Variants in POU2F1 observed in about 807,000 individuals in gnomAD.
POU2F1 encodes POU domain, class 2, transcription factor 1.
In POU2F1, 16 loss-of-function variants were observed where a neutral mutation model predicts 84.9. That is an observed-to-expected ratio of 0.19 (90% CI 0.13 to 0.29). The LOEUF (loss-of-function observed/expected upper bound fraction) is 0.29. Among genes scored for constraint, POU2F1 ranks in the 10% least tolerant of loss-of-function variants. The pLI is 1.00. For synonymous variants in POU2F1, 368 were observed against 368.3 expected, an observed-to-expected ratio of 1.00 and a Z score of 0.01; for missense variants, 738 against 942.6, an observed-to-expected ratio of 0.78 and a Z score of 2.84.
At chr1:167,266,603 C>T (rs901825530) in intron 1 of POU2F1, among the ~76,000 whole-genome samples, 8 of 149,488 alleles carry the variant, frequency 5.4e-5, no homozygotes, top group Non-Finnish European at 7.4e-5. Flanking sequence ...TACTTTGGCA[C>T]AATTTGGTAA....
intron 1 of POU2F1, among the ~76,000 whole-genome samples, chr1:167,290,343 G>A (rs1246462507): frequency 6.6e-6 from 1 of 152,204 alleles, no homozygotes; most frequent in Admixed American, 6.5e-5. Context: ...CCTGCAGTGG[G>A]CAGTGATCGT....
At position 167,393,613 on chromosome 1, in the gene POU2F1, C is replaced by G. The variant is rs80069226; in HGVS notation, c.988-2673C>G. Among the ~76,000 whole-genome samples, 341 of 152,218 alleles carry G rather than the reference C, an allele frequency of 2.2e-3. 9 individuals are homozygous for G. The East Asian group carries it at 0.06, about 27-fold the overall frequency. On this transcript the variant is annotated intron_variant, in intron 9 of 15. Transcript: ENST00000367866. ...TTCTGGGGTCAAGTGATCCTCCCACCTCAGCCTTCCAAGTATCTGGGACTA... is the reference window on the plus strand; with the variant it reads ...TTCTGGGGTCAAGTGATCCTCCCACGTCAGCCTTCCAAGTATCTGGGACTA...
At chr1:167,347,587 T>TAAAA (rs1223221553) in intron 2 of POU2F1, among the ~76,000 whole-genome samples, 5 of 152,190 alleles carry the variant, frequency 3.3e-5, no homozygotes, top group African/African-American at 7.2e-5. Context: ...TCAGTGGCAT[T>TAAAA]TAGTGTATTC....
At chr1:167,258,813 CTAA>C (rs1485193399) in intron 1 of POU2F1, among the ~76,000 whole-genome samples, 4 of 152,196 alleles carry the variant, frequency 2.6e-5, no homozygotes, top group Non-Finnish European at 5.9e-5. Flanking sequence ...TACAGGTCTA[CTAA>C]TGAGAAGAAT....
Position 167,399,301 on chromosome 1 carries a change from C to T in POU2F1, c.1385C>T (p.Pro462Leu), listed in dbSNP as rs1210096722. ...CGCCAGAAAGAAAAAAGAATCAACC[C>T]ACCAAGCAGTGGTGGGACCAGCAGC... is the stretch of plus-strand genomic sequence containing the variant. The part of the protein sequence containing the change: ...NRRQKEKRIN[P>L]PSSGGTSSSP... Residue 462 changes from proline to leucine, a missense_variant, in exon 12 of 16, where the codon CCA becomes CTA. Physicochemically the swap from Pro to Leu is moderately conservative, Grantham distance 98. Transcript: ENST00000367866. 2 of 1,614,034 alleles carry T rather than the reference C, an allele frequency of 1.2e-6. No individual in the cohort carries two copies. Among genetic ancestry groups the T allele is most frequent in the African/African-American group, 2.7e-5 (2 of 75,028 alleles).
chr1:167,348,858 C>T (rs1020247060), intron 2 of POU2F1, among the ~76,000 whole-genome samples: 1 of 152,168 alleles, frequency 6.6e-6, no homozygotes, highest in Non-Finnish European at 1.5e-5. Flanking sequence ...CAAGTAAGTG[C>T]TCTGCTTTGC....
At chr1:167,235,663 G>A (rs892602931) in intron 1 of POU2F1, among the ~76,000 whole-genome samples, 1 of 152,144 alleles carries the variant, frequency 6.6e-6, no homozygotes, top group African/African-American at 2.4e-5. Flanking sequence ...TTTTAAAAAA[G>A]GAGTCATAGT....
chr1:167,221,157 G>T (rs1201381356), intron 1 of POU2F1, among the ~76,000 whole-genome samples, 199 bp downstream of exon 1: 4 of 151,584 alleles, frequency 2.6e-5, no homozygotes, highest in African/African-American at 9.7e-5. Flanking sequence ...AGGCGGAGGG[G>T]GAAGACAAGG....
intron 2 of POU2F1, among the ~76,000 whole-genome samples, chr1:167,360,874 C>A (rs1246981609): frequency 6.6e-6 from 1 of 152,072 alleles, no homozygotes; most frequent in Non-Finnish European, 1.5e-5. Context: ...TTTCTTTTAA[C>A]AGTGTTTTAT....
intron 1 of POU2F1, among the ~76,000 whole-genome samples, chr1:167,288,649 T>C (rs1027628545): frequency 3.3e-5 from 5 of 152,168 alleles, no homozygotes; most frequent in African/African-American, 7.2e-5. Flanking sequence ...ATCAGGCCAC[T>C]GCACTCCAGC....
chr1:167,405,407 G>T lies in POU2F1; in HGVS notation c.1555+3851G>T, dbSNP rs1649499033. Among the ~76,000 whole-genome samples the T allele has an allele frequency of 2.0e-5, 3 of 151,954 alleles. No individual in the cohort carries two copies. The South Asian group carries it at 6.2e-4, about 31-fold the overall frequency. On this transcript the variant is annotated intron_variant, in intron 13 of 15. Transcript: ENST00000367866. ...AAAAAAAAAATTCAGGCCATGTGCA[G>T]TGGCTTATGCCTATAATCCCAGCAC...
In POU2F1 at chr1:167,334,208, G is replaced by A. The variant is rs140234501; in HGVS notation, c.127+1673G>A. ...GGAATTTTGCTCTTGTTTCCCAGGC[G>A]GGAGTGCAATGGTGCGACCTCGGCT... On this transcript the variant is annotated intron_variant, in intron 2 of 15. Coordinates refer to ENST00000367866, the MANE Select transcript of POU2F1 (RefSeq NM_002697.4). Among the ~76,000 whole-genome samples, 549 of 146,074 alleles carry A rather than the reference G, an allele frequency of 3.8e-3. 5 individuals carry two copies. Among genetic ancestry groups the A allele is most frequent in the African/African-American group, 0.014 (532 of 38,982 alleles).
intron 1 of POU2F1, among the ~76,000 whole-genome samples, chr1:167,298,085 C>G (rs1654411417): frequency 6.6e-6 from 1 of 152,030 alleles, no homozygotes; most frequent in South Asian, 2.1e-4. Context: ...GAGATCAAAC[C>G]ATCACATTCC....
intron 2 of POU2F1, 21 bp from the exon 3 acceptor site, chr1:167,365,446 A>G (rs762194413): frequency 6.6e-7 from 1 of 1,517,268 alleles, no homozygotes; most frequent in South Asian, 1.2e-5. Flanking sequence ...AATAGTTGAA[A>G]TTATTTTGCT....
intron 1 of POU2F1, among the ~76,000 whole-genome samples, chr1:167,263,970 G>C (rs1429313171): frequency 6.6e-6 from 1 of 152,160 alleles, no homozygotes; most frequent in Non-Finnish European, 1.5e-5. Context: ...CTATGTGCCA[G>C]GTATTGTGGC....
intron 1 of POU2F1, among the ~76,000 whole-genome samples, chr1:167,274,700 C>T (rs1043278215): frequency 2.0e-5 from 3 of 152,120 alleles, no homozygotes; most frequent in Middle Eastern, 3.4e-3. Flanking sequence ...ACTGTGTTTC[C>T]GAAAGGGTTG....
chr1:167,415,819 G>C lies in POU2F1; in HGVS notation c.*9G>C. The C allele has an allele frequency of 6.2e-7, 1 of 1,607,802 alleles. No individual in the cohort carries two copies. Among genetic ancestry groups the C allele is most frequent in the Non-Finnish European group, 8.5e-7 (1 of 1,176,372 alleles). On this transcript the variant is annotated 3_prime_UTR_variant, in exon 16 of 16. Transcript: ENST00000367866. ...CCTCCAAGGCACAGTGAGCTGGGCAGAGCTGGGCTGCCAGAAGCCTTTTTC... is the reference window on the plus strand; with the variant it reads ...CCTCCAAGGCACAGTGAGCTGGGCACAGCTGGGCTGCCAGAAGCCTTTTTC...
chr1:167,276,232 C>A (rs1652720554), intron 1 of POU2F1, among the ~76,000 whole-genome samples: 1 of 152,184 alleles, frequency 6.6e-6, no homozygotes, highest in Non-Finnish European at 1.5e-5. Context: ...ATATCCCATG[C>A]TGTATACACT....
At chr1:167,371,843 A>C in intron 4 of POU2F1, 74 bp from the exon 5 acceptor site, 1 of 1,579,300 alleles carries the variant, frequency 6.3e-7, no homozygotes, top group Non-Finnish European at 8.7e-7. Flanking sequence ...ATGATTCCTA[A>C]AAGATGGGGT....
Sources: gnomAD v4.1 joint callset for allele counts (sites outside exome capture counted in the v4.1 genomes callset) on GRCh38, gnomAD v4.1.1 for gene constraint, MANE v1.5 for transcripts, NCBI Gene and HGNC (gene_info 2026-07-23, HGNC 2026-07-21) for gene names.